Variants in WDR26 observed in about 807,000 individuals in gnomAD.
The protein encoded by WDR26 is WD repeat-containing protein 26.
WDR26 carries 5 observed loss-of-function variants against 84.1 expected under a neutral mutation model. The observed-to-expected ratio is 0.06, with a 90% CI of 0.03 to 0.13. The LOEUF is 0.13. Ranked by LOEUF, WDR26 falls within the 10% of genes least tolerant of loss-of-function variation. WDR26 has a pLI of 1.00. For synonymous variants in WDR26, 415 were observed against 389.6 expected, an observed-to-expected ratio of 1.07 and a Z score of -0.77; for missense variants, 642 against 974.9, an observed-to-expected ratio of 0.66 and a Z score of 4.55.
At chr1:224,393,324 A>C (rs1673175887) in intron 13 of WDR26, among the ~76,000 whole-genome samples, 1 of 152,224 alleles carries the variant, frequency 6.6e-6, no homozygotes, top group South Asian at 2.1e-4. Context: ...ACACAGGTAC[A>C]TGATCAATTT....
intron 12 of WDR26, among the ~76,000 whole-genome samples, chr1:224,395,390 T>A (rs527400432): frequency 1.3e-5 from 2 of 152,236 alleles, no homozygotes; most frequent in South Asian, 4.1e-4. Flanking sequence ...TGTCAGTGGG[T>A]GTACTGCCAG....
intron 6 of WDR26, among the ~76,000 whole-genome samples, chr1:224,417,052 AAAC>A (rs1307308045): frequency 2.6e-5 from 4 of 152,194 alleles, no homozygotes; most frequent in Admixed American, 2.0e-4. Flanking sequence ...CCAATATCTC[AAAC>A]AATTATTATT....
chr1:224,415,034 T>A (rs1406217617), intron 6 of WDR26, among the ~76,000 whole-genome samples: 5 of 152,120 alleles, frequency 3.3e-5, no homozygotes, highest in African/African-American at 1.2e-4. Context: ...AATTAAAAAA[T>A]AACTAAGTAA....
At chr1:224,415,405 T>A (rs1232793485) in intron 6 of WDR26, among the ~76,000 whole-genome samples, 1 of 151,394 alleles carries the variant, frequency 6.6e-6, no homozygotes, top group African/African-American at 2.4e-5. Flanking sequence ...ACCATGGAAG[T>A]ATAACTAAGG....
At chr1:224,393,300 G>C (rs1673175319) in intron 13 of WDR26, among the ~76,000 whole-genome samples, 1 of 152,184 alleles carries the variant, frequency 6.6e-6, no homozygotes, top group Non-Finnish European at 1.5e-5. Flanking sequence ...AAAGGGATTA[G>C]CATGCTGCTT....
At chr1:224,394,742 A>G (rs1463049605) in intron 12 of WDR26, among the ~76,000 whole-genome samples, 1 of 152,060 alleles carries the variant, frequency 6.6e-6, no homozygotes, top group Non-Finnish European at 1.5e-5. Context: ...TGATCCGCCC[A>G]TCTCAGCCTC....
rs576913400 is a variant in WDR26, at chr1:224,388,362, C to T, written c.*1473G>A. 6.6e-6 allele frequency: 1 copy of T among 152,268 alleles called. No homozygotes were observed. Among genetic ancestry groups the T allele is most frequent in the African/African-American group, 2.4e-5 (1 of 41,564 alleles). The allele number at this position is 152,268 out of a possible 1,614,324, so 9.4% of individuals were successfully genotyped here. ...CAACAGCTGGAGTCACCCTATTTATCCTCTACTGAAAAAGGGAGGGAATTT... is the reference window on the plus strand; with the variant it reads ...CAACAGCTGGAGTCACCCTATTTATTCTCTACTGAAAAAGGGAGGGAATTT... On this transcript the variant is annotated 3_prime_UTR_variant, in exon 14 of 14. Coordinates refer to ENST00000414423, the MANE Select transcript of WDR26 (RefSeq NM_001379403.1).
chr1:224,426,844 C>T (rs2102921663), intron 3 of WDR26, among the ~76,000 whole-genome samples: 1 of 151,820 alleles, frequency 6.6e-6, no homozygotes, highest in East Asian at 1.9e-4. Flanking sequence ...CACCTGTAAT[C>T]CCAGCACTTT....
In WDR26 at chr1:224,434,431, G is replaced by A. The variant is rs1390371598; in HGVS notation, c.-26C>T. ...GGTGGGAAGCCGGTGGGGCGAGGCG[G>A]GGGAGGGGAGGCGGGGGCCGGGGAG... On this transcript the variant is annotated 5_prime_UTR_variant, in exon 1 of 14. Coordinates refer to ENST00000414423, the MANE Select transcript of WDR26 (RefSeq NM_001379403.1). 3.9e-6 allele frequency: 4 copies of A among 1,032,644 alleles called. No individual in the cohort carries two copies. Among genetic ancestry groups the A allele is most frequent in the East Asian group, 6.5e-5 (1 of 15,396 alleles). The allele number at this position is 1,032,644 out of a possible 1,614,324, so 64.0% of individuals were successfully genotyped here. A position where few individuals can be genotyped will look rare whatever the true frequency, so the allele number is the denominator to read the frequency against.
intron 3 of WDR26, chr1:224,430,778 T>TC (rs1558447335): frequency 6.6e-6 from 1 of 152,192 alleles, no homozygotes; most frequent in Non-Finnish European, 1.5e-5. Flanking sequence ...AAAAACTTAT[T>TC]TCCTCTCTCC....
intron 13 of WDR26, among the ~76,000 whole-genome samples, chr1:224,392,355 C>CAA (rs879788087): frequency 7.8e-6 from 1 of 128,830 alleles, no homozygotes; most frequent in Middle Eastern, 4.1e-3. Flanking sequence ...GACTCCGTCT[C>CAA]AAAAAAAAAA....
At chr1:224,401,898 T>C (rs773666111) in intron 8 of WDR26, 3 of 152,250 alleles carry the variant, frequency 2.0e-5, no homozygotes, top group East Asian at 1.9e-4. Flanking sequence ...CTGTTTAACA[T>C]AGCCATTCCG....
At chr1:224,407,614 T>C (rs887711027) in intron 7 of WDR26, among the ~76,000 whole-genome samples, 2 of 151,272 alleles carry the variant, frequency 1.3e-5, no homozygotes, top group Non-Finnish European at 2.9e-5. Context: ...GTTCAAGCAA[T>C]TCTCCTGCCT....
chr1:224,413,953 G>A (rs548362581), intron 6 of WDR26, among the ~76,000 whole-genome samples: 111 of 151,876 alleles, frequency 7.3e-4, no homozygotes, highest in African/African-American at 2.6e-3. Flanking sequence ...GGGATTACAG[G>A]TGCGCACCAC....
At chr1:224,394,877 T>C (rs1408317312) in intron 12 of WDR26, among the ~76,000 whole-genome samples, 1 of 152,218 alleles carries the variant, frequency 6.6e-6, no homozygotes, top group Non-Finnish European at 1.5e-5. Flanking sequence ...ATGGTAAAGT[T>C]GGGATTCAAA....
chr1:224,415,964 G>T (rs551760972), intron 6 of WDR26, among the ~76,000 whole-genome samples: 3 of 152,280 alleles, frequency 2.0e-5, no homozygotes, highest in Non-Finnish European at 4.4e-5. Flanking sequence ...TACAATTCTG[G>T]TATTATGTTA....
intron 3 of WDR26, among the ~76,000 whole-genome samples, chr1:224,427,970 G>T (rs1259801998): frequency 5.3e-5 from 8 of 152,038 alleles, no homozygotes; most frequent in Non-Finnish European, 1.2e-4. Context: ...GACAAAAAAA[G>T]ATTAGGAAAA....
In WDR26 at chr1:224,433,788, G is replaced by T. The variant is rs1435916676; in HGVS notation, c.618C>A (p.Ala206=). 4 of 1,537,008 alleles carry T rather than the reference G, an allele frequency of 2.6e-6. No homozygotes were observed. In the South Asian group the frequency reaches 4.8e-5, roughly 18 times the overall value. The change falls in exon 1 of 14, where the codon GCC becomes GCA. Residue 206 remains alanine, a synonymous_variant. Coordinates refer to ENST00000414423, the MANE Select transcript of WDR26 (RefSeq NM_001379403.1). Reference sequence around the variant, plus strand: ...TGAGGCTGCTGCCCAGTTCTGGGGTGGCCAAGGAAGAGGAGGCGGCGGTGG... The same window carrying T: ...TGAGGCTGCTGCCCAGTTCTGGGGTTGCCAAGGAAGAGGAGGCGGCGGTGG...
At chr1:224,399,879 G>T (rs1208649293) in intron 9 of WDR26, among the ~76,000 whole-genome samples, 2 of 152,192 alleles carry the variant, frequency 1.3e-5, no homozygotes, top group African/African-American at 4.8e-5. Flanking sequence ...GGCCAAGGCG[G>T]GAGGATCATT....
Sources: allele counts gnomAD v4.1 joint callset (sites outside exome capture counted in the v4.1 genomes callset), GRCh38; gene constraint gnomAD v4.1.1; transcripts MANE v1.5; gene names NCBI Gene and HGNC (gene_info 2026-07-23, HGNC 2026-07-21).